Variants in UVSSA observed in about 807,000 individuals in gnomAD.
UVSSA encodes UV stimulated scaffold protein A.
In UVSSA, 72 loss-of-function variants were observed where a neutral mutation model predicts 73.9. The observed-to-expected ratio is 0.97, with a 90% CI of 0.81 to 1.19. UVSSA has a LOEUF of 1.19. Among genes scored for constraint, UVSSA ranks in the 50% most tolerant of loss-of-function variants. UVSSA has a pLI of 0.00. For synonymous variants in UVSSA, 454 were observed against 391.3 expected, an observed-to-expected ratio of 1.16 and a Z score of -1.89; for missense variants, 1,150 against 965.0, an observed-to-expected ratio of 1.19 and a Z score of -2.54.
chr4:1,361,817 A>G (rs748243962), intron 7 of UVSSA, among the ~76,000 whole-genome samples: 12 of 151,878 alleles, frequency 7.9e-5, no homozygotes, highest in Non-Finnish European at 1.5e-4. Flanking sequence ...GACAAATGCA[A>G]TTTGGAACTC....
intron 2 of UVSSA, among the ~76,000 whole-genome samples, chr4:1,349,014 G>A (rs941967449): frequency 6.8e-6 from 1 of 147,856 alleles, no homozygotes; most frequent in Non-Finnish European, 1.5e-5. Context: ...TGTGCCGGGC[G>A]GTGTGCGGTT....
rs892780130 is a variant in UVSSA at position 1,394,337 on chromosome 4, T to C, written c.*8376T>C. 15 of 1,152,560 alleles carry C rather than the reference T, an allele frequency of 1.3e-5. No homozygotes were observed. The Admixed American group carries it at 3.0e-4, about 23-fold the overall frequency. 71.4% of individuals were successfully genotyped at this position (1,152,560 alleles called of 1,614,324 possible). A position where few individuals can be genotyped will look rare whatever the true frequency, so the allele number is the denominator to read the frequency against. ...AAGTTTTGTGTTCTACTTAGAATGC[T>C]CTTCCCCCTTAAAGATTATATTTGA... On this transcript the variant is annotated 3_prime_UTR_variant, in exon 14 of 14. Transcript: ENST00000511216.
intron 10 of UVSSA, among the ~76,000 whole-genome samples, chr4:1,377,630 C>T (rs1447335153): frequency 6.6e-6 from 1 of 152,172 alleles, no homozygotes; most frequent in Admixed American, 6.5e-5. Flanking sequence ...CTGCCTGGCC[C>T]GTCCCCAGGA....
chr4:1,377,919 G>T (rs1273575286), intron 10 of UVSSA, among the ~76,000 whole-genome samples: 1 of 152,230 alleles, frequency 6.6e-6, no homozygotes, highest in African/African-American at 2.4e-5. Flanking sequence ...CATGTCAGCT[G>T]CGTGGATGGG....
intron 8 of UVSSA, among the ~76,000 whole-genome samples, chr4:1,373,752 C>T (rs942621331): frequency 2.6e-5 from 4 of 152,172 alleles, no homozygotes; most frequent in Admixed American, 2.6e-4. Context: ...CTGCGCGTCC[C>T]CCACACCCCT....
chr4:1,375,489 C>T lies in UVSSA; in HGVS notation c.1414C>T (p.Pro472Ser). 1 of 1,611,072 alleles carries T rather than the reference C, an allele frequency of 6.2e-7. No homozygotes were observed. The highest frequency in any genetic ancestry group is 8.5e-7 in the Non-Finnish European group (1 of 1,179,844). The change falls in exon 9 of 14, where the codon CCT becomes TCT. Residue 472 changes from proline to serine, a missense_variant. Coordinates refer to ENST00000389851, the MANE Select transcript of UVSSA (RefSeq NM_020894.4). ...AQLRQLRDHLPPPSSASPSRA... is the reference protein window; with the variant it reads ...AQLRQLRDHLSPPSSASPSRA... ...GCTGCGGCAGCTCCGGGACCACTTG[C>T]CTCCACCCTCATCTGCCAGGTGACT...
In UVSSA at chr4:1,354,715, C is replaced by T; in HGVS notation, c.935-20C>T. On this transcript the variant is annotated intron_variant, in intron 5 of 13. Transcript: ENST00000389851. Reference sequence around the variant, plus strand: ...ACGCCAGTCGGCGCCCTCTTGTGACCTCTGTGTGCTTCTCCCCAGAGGGCC... The same window carrying T: ...ACGCCAGTCGGCGCCCTCTTGTGACTTCTGTGTGCTTCTCCCCAGAGGGCC... The T allele has an allele frequency of 6.2e-7, 1 of 1,609,452 alleles. No homozygotes were observed. The highest frequency in any genetic ancestry group is 8.5e-7 in the Non-Finnish European group (1 of 1,177,310).
At chr4:1,357,015 G>A (rs74694342) in intron 7 of UVSSA, 3,892 of 152,480 alleles carry the variant, frequency 0.026, 146 homozygotes, top group East Asian at 0.19. Flanking sequence ...AGAGCAGAGC[G>A]GGGCTGATGG....
intron 4 of UVSSA, 90 bp downstream of exon 4, chr4:1,351,925 G>C (rs1311637453): frequency 6.5e-7 from 1 of 1,548,890 alleles, no homozygotes; most frequent in Non-Finnish European, 8.7e-7. Context: ...GGCCCCAGCC[G>C]CAAGGAACCC....
chr4:1,343,799 GTATT>G (rs1210311978), upstream of UVSSA, among the ~76,000 whole-genome samples: 2 of 151,964 alleles, frequency 1.3e-5, no homozygotes, highest in Non-Finnish European at 2.9e-5. Flanking sequence ...AAAAAAAAAA[GTATT>G]TATAGAACTT....
intron 10 of UVSSA, among the ~76,000 whole-genome samples, 198 bp downstream of exon 10, chr4:1,376,366 C>G (rs1718770893): frequency 6.6e-6 from 1 of 152,202 alleles, no homozygotes; most frequent in African/African-American, 2.4e-5. Context: ...CCCAGAAAGG[C>G]TTTTTTGAGC....
At position 1,395,022 on chromosome 4, in the gene UVSSA, A is replaced by T; in HGVS notation, c.*9061A>T. On this transcript the variant is annotated 3_prime_UTR_variant, in exon 14 of 14. Coordinates refer to the UVSSA transcript ENST00000511216. ...CGACGTGGAGTGCCCGCCTGCTCAC[A>T]CGTGCCCATGTGGAGTGCCCGCCTG... The T allele has an allele frequency of 3.3e-6, 5 of 1,498,786 alleles. 2 individuals are homozygous for T. Among genetic ancestry groups the T allele is most frequent in the Non-Finnish European group, 2.7e-6 (3 of 1,096,298 alleles). 92.8% of individuals were successfully genotyped at this position (1,498,786 alleles called of 1,614,324 possible).
At chr4:1,369,200 T>C (rs1382879957) in intron 8 of UVSSA, among the ~76,000 whole-genome samples, 18 of 152,236 alleles carry the variant, frequency 1.2e-4, no homozygotes, top group Admixed American at 1.2e-3. Context: ...TTGGCGGCCT[T>C]GCTGGGAGTC....
rs762243932 is a variant in UVSSA, at chr4:1,366,360, A to G, written c.1217A>G (p.Glu406Gly). Residue 406 changes from glutamate (E) to glycine (G), a missense_variant, in exon 8 of 14, where the codon GAG becomes GGG. By Grantham distance (98) the Glu-to-Gly change is moderately conservative. Transcript: ENST00000389851. ...LGDAEEDEDD[E>G]DFVEVPEKEG... Reference sequence around the variant, plus strand: ...GATGCGGAGGAAGATGAGGACGATGAGGACTTTGTGGAGGTCCCTGAGAAG... The same window carrying G: ...GATGCGGAGGAAGATGAGGACGATGGGGACTTTGTGGAGGTCCCTGAGAAG... The G allele has an allele frequency of 2.5e-5, 40 of 1,613,398 alleles. No homozygotes were observed. The highest frequency in any genetic ancestry group is 3.3e-5 in the Admixed American group (2 of 59,932).
In UVSSA at chr4:1,374,030, T is replaced by C. The variant is rs117072331; in HGVS notation, c.1289-1334T>C. On this transcript the variant is annotated intron_variant, in intron 8 of 13. Transcript: ENST00000389851. ...CAGCTGCCAGTTCGTTTTCTTCCTG[T>C]GGATTCTGCCGCAGCCAGGACGCCT... Among the ~76,000 whole-genome samples the C allele has an allele frequency of 4.4e-4, 67 of 152,362 alleles. 1 individual carries two copies. In the East Asian group the frequency reaches 7.7e-3, roughly 18 times the overall value.
chr4:1,392,049 C>G (rs950666021), downstream of UVSSA: 1 of 152,116 alleles, frequency 6.6e-6, no homozygotes, highest in Non-Finnish European at 1.5e-5. Context: ...ACATTTAATT[C>G]TCTTGTAACA....
chr4:1,355,106 C>G lies in UVSSA; in HGVS notation c.1048-11C>G. 6.2e-7 allele frequency: 1 copy of G among 1,613,264 alleles called. No homozygotes were observed. The highest frequency in any genetic ancestry group is 1.1e-5 in the South Asian group (1 of 91,044). ...GCCGGCCCCTGAGCTGTTCGCACCCCCGTTTCGCAGCGCTTCACCCGCGTC... is the reference window on the plus strand; with the variant it reads ...GCCGGCCCCTGAGCTGTTCGCACCCGCGTTTCGCAGCGCTTCACCCGCGTC... On this transcript the variant is annotated splice_polypyrimidine_tract_variant and intron_variant, in intron 6 of 13. Coordinates refer to ENST00000389851, the MANE Select transcript of UVSSA (RefSeq NM_020894.4).
At chr4:1,368,442 C>T (rs550259991) in intron 8 of UVSSA, among the ~76,000 whole-genome samples, 1 of 152,254 alleles carries the variant, frequency 6.6e-6, no homozygotes, top group Non-Finnish European at 1.5e-5. Context: ...GGTCTCCTTT[C>T]ATCAGAAGAG....
chr4:1,348,220 A>C (rs1374616417), intron 2 of UVSSA, 31 bp downstream of exon 2: 1 of 1,542,826 alleles, frequency 6.5e-7, no homozygotes, highest in African/African-American at 1.4e-5. Context: ...ACAGTAACTG[A>C]CTGGCCCACT....
Sources: allele counts gnomAD v4.1 joint callset (sites outside exome capture counted in the v4.1 genomes callset), GRCh38; gene constraint gnomAD v4.1.1; transcripts MANE v1.5; gene names NCBI Gene and HGNC (gene_info 2026-07-23, HGNC 2026-07-21).